The following COL19A1 variants were observed in gnomAD, a reference collection of about 807,000 sequenced individuals.
The protein encoded by COL19A1 is collagen alpha-1(XIX) chain.
Under a neutral mutation model 190.2 loss-of-function variants are expected in COL19A1, and 159 were observed. The ratio of observed to expected loss-of-function variants is 0.84; its 90% CI spans 0.73 to 0.95. COL19A1 has a LOEUF of 0.95. Ranked by LOEUF, COL19A1 falls within the 40% of genes least tolerant of loss-of-function variation. The probability of loss-of-function intolerance (pLI) is 0.00; values close to 1 mark genes in which losing one functional copy is unlikely to be tolerated. For synonymous variants in COL19A1, 509 were observed against 458.9 expected (o/e 1.11, Z -1.39); for missense variants, 1,418 against 1,431.9 (o/e 0.99, Z 0.16).
intron 11 of COL19A1, among the ~76,000 whole-genome samples, chr6:69,973,356 T>C (rs1157623121): frequency 6.6e-6 from 1 of 152,164 alleles, no homozygotes; most frequent in Non-Finnish European, 1.5e-5. Flanking sequence ...CATTAATCTC[T>C]TCACCCCCAC....
At chr6:70,184,163 GACAC>G (rs1176018005) in intron 44 of COL19A1, among the ~76,000 whole-genome samples, 1 of 152,104 alleles carries the variant, frequency 6.6e-6, no homozygotes, top group Non-Finnish European at 1.5e-5. Flanking sequence ...TTCTCTGACT[GACAC>G]TTTATTTCAT....
chr6:70,068,024 CTT>C (rs1781347722), intron 14 of COL19A1, among the ~76,000 whole-genome samples: 1 of 152,002 alleles, frequency 6.6e-6, no homozygotes, highest in Non-Finnish European at 1.5e-5. Flanking sequence ...TTAGAATATA[CTT>C]TAAAAGCTAC....
intron 9 of COL19A1, among the ~76,000 whole-genome samples, chr6:69,952,506 T>A (rs1054220918): frequency 1.0e-4 from 14 of 134,228 alleles, no homozygotes; most frequent in African/African-American, 4.7e-4. Flanking sequence ...AAATCAACCT[T>A]CTGGAAGTAA....
At chr6:70,080,169 G>C (rs2150162740) in intron 15 of COL19A1, among the ~76,000 whole-genome samples, 1 of 152,238 alleles carries the variant, frequency 6.6e-6, no homozygotes, top group South Asian at 2.1e-4. Flanking sequence ...TTTTAGTGTA[G>C]ATATGATTTA....
At chr6:69,966,198 G>A (rs1302530206) in intron 11 of COL19A1, among the ~76,000 whole-genome samples, 1 of 151,884 alleles carries the variant, frequency 6.6e-6, no homozygotes, top group Non-Finnish European at 1.5e-5. Flanking sequence ...GAGGTGGGGG[G>A]CACCTCTGCC....
intron 49 of COL19A1, among the ~76,000 whole-genome samples, chr6:70,204,580 A>C (rs921389500): frequency 1.3e-5 from 2 of 152,224 alleles, no homozygotes; most frequent in African/African-American, 4.8e-5. Flanking sequence ...TTGTAATACC[A>C]CATGAACCGA....
At chr6:69,877,201 T>C (rs1398046876) in intron 1 of COL19A1, among the ~76,000 whole-genome samples, 1 of 152,240 alleles carries the variant, frequency 6.6e-6, no homozygotes, top group Non-Finnish European at 1.5e-5. Flanking sequence ...TTAGAATAGC[T>C]ATTTTAATAA....
At position 69,932,797 on chromosome 6, in the gene COL19A1, A is replaced by G; in HGVS notation, c.681A>G (p.Gln227=). 6.2e-7 allele frequency: 1 copy of G among 1,600,694 alleles called. No homozygotes were observed. Among genetic ancestry groups the G allele is most frequent in the South Asian group, 1.1e-5 (1 of 89,140 alleles). ...TTTTTTCATAGATTGAACTTCACCA[A>G]CTTAAAATCTACTGCAGTGCAAACC... ...DGKPVDIELH[Q]LKIYCSANLI... Residue 227 remains glutamine (Q), a synonymous_variant, in exon 7 of 51, where the codon CAA becomes CAG. Transcript: ENST00000620364.
intron 17 of COL19A1, among the ~76,000 whole-genome samples, chr6:70,124,555 CA>C (rs59538478): frequency 0.11 from 13,211 of 118,338 alleles, 1,751 homozygotes; most frequent in African/African-American, 0.34. Flanking sequence ...GGTTATATTT[CA>C]AAAAAAAAAA....
chr6:69,994,770 T>G (rs964715222), intron 11 of COL19A1, among the ~76,000 whole-genome samples: 1 of 152,146 alleles, frequency 6.6e-6, no homozygotes, highest in East Asian at 1.9e-4. Flanking sequence ...AGATGATTCC[T>G]GATGATATTT....
At chr6:70,154,810 G>A (rs949788638) in intron 31 of COL19A1, among the ~76,000 whole-genome samples, 1 of 152,162 alleles carries the variant, frequency 6.6e-6, no homozygotes, top group African/African-American at 2.4e-5. Context: ...GGAGTCTTAT[G>A]TTTGAGGGCA....
intron 4 of COL19A1, among the ~76,000 whole-genome samples, chr6:69,910,055 T>G (rs1770810136): frequency 6.6e-6 from 1 of 152,072 alleles, no homozygotes; most frequent in Non-Finnish European, 1.5e-5. Context: ...AAGTTTAAAT[T>G]GAAGGGATAT....
At chr6:70,154,109 C>G (rs1031850438) in intron 31 of COL19A1, among the ~76,000 whole-genome samples, 7 of 147,098 alleles carry the variant, frequency 4.8e-5, no homozygotes, top group Admixed American at 6.8e-5. Context: ...CCTCCCCTAC[C>G]CCCCCCAACC....
chr6:70,145,722 C>CTTTTTTTT lies in COL19A1; in HGVS notation c.1770+724_1770+731dup, dbSNP rs56306364. 2.0e-3 allele frequency among the ~76,000 whole-genome samples: 258 copies of CTTTTTTTT among 128,124 alleles called. 6 individuals are homozygous for CTTTTTTTT. Among genetic ancestry groups the CTTTTTTTT allele is most frequent in the Non-Finnish European group, 3.3e-3 (203 of 61,608 alleles). 84.1% of individuals were successfully genotyped at this position (128,124 alleles called of 152,430 possible). A position where few individuals can be genotyped will look rare whatever the true frequency, so the allele number is the denominator to read the frequency against. On this transcript the variant is annotated intron_variant, in intron 25 of 50. Coordinates refer to ENST00000620364, the MANE Select transcript of COL19A1 (RefSeq NM_001858.6). ...TATTCATCTATTCATCTTATTGTTT[C>CTTTTTTTT]TTTTTTTTTTTTTTTTGAGACAGGG...
chr6:70,167,695 T>C (rs141956650), intron 37 of COL19A1, among the ~76,000 whole-genome samples: 144 of 152,302 alleles, frequency 9.5e-4, no homozygotes, highest in African/African-American at 3.3e-3. Context: ...AAATTGACAA[T>C]TCAGAAACTG....
chr6:70,182,491 G>A (rs1209917017), intron 44 of COL19A1, among the ~76,000 whole-genome samples: 1 of 152,146 alleles, frequency 6.6e-6, no homozygotes, highest in African/African-American at 2.4e-5. Context: ...GACCAATTAG[G>A]GTATCTAAAC....
intron 16 of COL19A1, among the ~76,000 whole-genome samples, chr6:70,121,252 G>A (rs746199757): frequency 2.9e-4 from 44 of 152,054 alleles, no homozygotes; most frequent in Middle Eastern, 3.4e-3. Context: ...GAAGCTTTAG[G>A]GACAGCCAAA....
In COL19A1 at chr6:70,009,482, T is replaced by C. The variant is rs375236211; in HGVS notation, c.1027-14145T>C. Among the ~76,000 whole-genome samples the C allele has an allele frequency of 1.8e-3, 268 of 152,212 alleles. 2 individuals carry two copies. Among genetic ancestry groups the C allele is most frequent in the African/African-American group, 6.0e-3 (250 of 41,590 alleles). On this transcript the variant is annotated intron_variant, in intron 11 of 50. Transcript: ENST00000620364. ...GACCTAAATAAATGTAGAGTTGATT[T>C]GTGGTTTGGAAGACCCAGTATTATT...
At chr6:69,964,825 C>A (rs557412864) in intron 11 of COL19A1, among the ~76,000 whole-genome samples, 12 of 152,144 alleles carry the variant, frequency 7.9e-5, no homozygotes, top group Admixed American at 2.6e-4. Flanking sequence ...ATGTAATAAC[C>A]GTTATGTTAC....
Sources: gnomAD v4.1 joint callset for allele counts (sites outside exome capture counted in the v4.1 genomes callset) on GRCh38, gnomAD v4.1.1 for gene constraint, MANE v1.5 for transcripts, NCBI Gene and HGNC (gene_info 2026-07-23, HGNC 2026-07-21) for gene names.